The following UNC5D variants were observed in gnomAD, a reference collection of about 807,000 sequenced individuals.
UNC5D encodes netrin receptor UNC5D.
A neutral mutation model predicts 105.4 loss-of-function variants in UNC5D; 39 were observed. The observed-to-expected ratio is 0.37, with a 90% CI of 0.29 to 0.48. The LOEUF (loss-of-function observed/expected upper bound fraction) is 0.48. Among genes scored for constraint, UNC5D ranks in the 20% least tolerant of loss-of-function variants. The probability of loss-of-function intolerance (pLI) is 0.98; values close to 1 mark genes in which losing one functional copy is unlikely to be tolerated. For missense variants in UNC5D, 991 were observed against 1,202.4 expected (o/e 0.82, Z 2.60); for synonymous variants, 452 against 450.4 (o/e 1.00, Z -0.04).
intron 7 of UNC5D, among the ~76,000 whole-genome samples, chr8:35,700,332 G>A (rs919325358): frequency 2.6e-4 from 39 of 151,936 alleles, no homozygotes; most frequent in African/African-American, 8.0e-4. Flanking sequence ...TTCTTGCTGT[G>A]ACTCTGTGGT....
intron 4 of UNC5D, among the ~76,000 whole-genome samples, chr8:35,605,554 A>G (rs113576517): frequency 0.17 from 25,842 of 152,040 alleles, 4,882 homozygotes; most frequent in African/African-American, 0.47. Flanking sequence ...TGGGAGAACC[A>G]CTACTCTCTT....
intron 2 of UNC5D, among the ~76,000 whole-genome samples, chr8:35,555,836 A>C (rs930067637): frequency 4.0e-5 from 6 of 148,788 alleles, no homozygotes; most frequent in Non-Finnish European, 7.5e-5. Context: ...AAAAAATACA[A>C]AAAAAAAAAG....
At chr8:35,729,834 G>A (rs1009780221) in intron 10 of UNC5D, among the ~76,000 whole-genome samples, 7 of 152,292 alleles carry the variant, frequency 4.6e-5, no homozygotes, top group East Asian at 1.9e-4. Flanking sequence ...AGATTTAAAC[G>A]TGCCTTATTC....
At chr8:35,305,848 TC>T (rs1314321429) in intron 1 of UNC5D, among the ~76,000 whole-genome samples, 11 of 93,844 alleles carry the variant, frequency 1.2e-4, no homozygotes, top group African/African-American at 4.0e-4. Context: ...CCTTCTTCCC[TC>T]CCCCTCCCTC....
At chr8:35,415,892 G>C (rs1321021038) in intron 1 of UNC5D, among the ~76,000 whole-genome samples, 1 of 152,146 alleles carries the variant, frequency 6.6e-6, no homozygotes, top group Non-Finnish European at 1.5e-5. Flanking sequence ...AACTGAGCTT[G>C]TATCTGAAAG....
At chr8:35,487,593 A>ACACACACACACACACACACACCCCCC (rs1415748793) in intron 1 of UNC5D, among the ~76,000 whole-genome samples, 15 of 150,584 alleles carry the variant, frequency 1.0e-4, no homozygotes, top group African/African-American at 3.7e-4. Flanking sequence ...ACACACACAC[A>ACACACACACACACACACACACCCCCC]CCCCACAGAC....
intron 1 of UNC5D, among the ~76,000 whole-genome samples, chr8:35,548,024 C>T (rs975996399): frequency 1.1e-4 from 16 of 152,166 alleles, no homozygotes; most frequent in Admixed American, 8.5e-4. Flanking sequence ...CTCAACCAGT[C>T]TAGTCTTTCC....
At chr8:35,536,785 C>G (rs1814873029) in intron 1 of UNC5D, among the ~76,000 whole-genome samples, 1 of 152,086 alleles carries the variant, frequency 6.6e-6, no homozygotes, top group Non-Finnish European at 1.5e-5. Context: ...ATCATGCAGT[C>G]AGGAGTTTGA....
chr8:35,427,319 A>G (rs1806319733), intron 1 of UNC5D, among the ~76,000 whole-genome samples: 1 of 152,238 alleles, frequency 6.6e-6, no homozygotes, highest in South Asian at 2.1e-4. Flanking sequence ...ACACATGTGC[A>G]TAGACAATTG....
At position 35,794,612 on chromosome 8, in the gene UNC5D, G is replaced by A. The variant is rs949361404; in HGVS notation, c.*4049G>A. On this transcript the variant is annotated 3_prime_UTR_variant, in exon 17 of 17. Transcript: ENST00000404895. ...TGCATAGAATTTTCCTGAACTACAA[G>A]CAAAAATGTATTTTGTCCAATGTCA... 12 of 152,622 alleles carry A rather than the reference G, an allele frequency of 7.9e-5. No individual in the cohort carries two copies. Among genetic ancestry groups the A allele is most frequent in the African/African-American group, 2.9e-4 (12 of 41,458 alleles). The allele number at this position is 152,622 out of a possible 1,614,324, so 9.5% of individuals were successfully genotyped here.
chr8:35,508,496 C>T (rs1812480714), intron 1 of UNC5D, among the ~76,000 whole-genome samples: 1 of 152,184 alleles, frequency 6.6e-6, no homozygotes, highest in African/African-American at 2.4e-5. Flanking sequence ...TTGCATCAAG[C>T]TACCGCCTTT....
intron 1 of UNC5D, among the ~76,000 whole-genome samples, chr8:35,453,207 G>C (rs959061013): frequency 6.6e-6 from 1 of 152,124 alleles, no homozygotes; most frequent in Non-Finnish European, 1.5e-5. Flanking sequence ...GTCTCCAGTA[G>C]CATTTTCTAG....
At chr8:35,509,762 A>G (rs1812578754) in intron 1 of UNC5D, among the ~76,000 whole-genome samples, 1 of 151,884 alleles carries the variant, frequency 6.6e-6, no homozygotes, top group African/African-American at 2.4e-5. Context: ...GGTGTCCTGT[A>G]ATTCAGATCC....
At chr8:35,541,452 C>T (rs1332412210) in intron 1 of UNC5D, among the ~76,000 whole-genome samples, 1 of 152,202 alleles carries the variant, frequency 6.6e-6, no homozygotes, top group East Asian at 1.9e-4. Context: ...TTTTCAAATT[C>T]CTTTCCATGT....
chr8:35,747,846 T>C (rs1324938212), intron 11 of UNC5D, among the ~76,000 whole-genome samples: 1 of 152,218 alleles, frequency 6.6e-6, no homozygotes, highest in Non-Finnish European at 1.5e-5. Context: ...TCAAAAAAGC[T>C]GAACACCAGG....
intron 1 of UNC5D, among the ~76,000 whole-genome samples, chr8:35,432,143 T>C (rs749049593): frequency 2.0e-5 from 3 of 152,126 alleles, no homozygotes; most frequent in Non-Finnish European, 4.4e-5. Context: ...AGTTATTTAA[T>C]CTCAGTTTAT....
At chr8:35,421,735 C>A (rs1023781048) in intron 1 of UNC5D, among the ~76,000 whole-genome samples, 6 of 152,018 alleles carry the variant, frequency 3.9e-5, no homozygotes, top group African/African-American at 1.4e-4. Context: ...AAAAATACAA[C>A]ATTTATGAAA....
At chr8:35,676,366 T>C (rs547034041) in intron 4 of UNC5D, among the ~76,000 whole-genome samples, 1 of 152,126 alleles carries the variant, frequency 6.6e-6, no homozygotes, top group South Asian at 2.1e-4. Flanking sequence ...ACCAAATAAG[T>C]AGAAACCAGA....
chr8:35,431,161 T>C (rs1806606360), intron 1 of UNC5D, among the ~76,000 whole-genome samples: 1 of 152,146 alleles, frequency 6.6e-6, no homozygotes, highest in Non-Finnish European at 1.5e-5. Flanking sequence ...TCAGTTTCCA[T>C]TTTCAAAAAT....
Sources: allele counts gnomAD v4.1 joint callset (sites outside exome capture counted in the v4.1 genomes callset), GRCh38; gene constraint gnomAD v4.1.1; transcripts MANE v1.5; gene names NCBI Gene and HGNC (gene_info 2026-07-23, HGNC 2026-07-21).